Variants in UGT2B11 observed in about 807,000 individuals in gnomAD.
The protein encoded by UGT2B11 is UDP glucuronosyltransferase family 2 member B11, also known as UDP-glucuronosyltransferase 2B11.
In UGT2B11, 49 loss-of-function variants were observed where a neutral mutation model predicts 51.7. The ratio of observed to expected loss-of-function variants is 0.95; its 90% CI spans 0.75 to 1.20. The LOEUF (loss-of-function observed/expected upper bound fraction) is 1.20. Among genes scored for constraint, UGT2B11 ranks in the 50% most tolerant of loss-of-function variants. The pLI is 0.00. For missense variants in UGT2B11, 810 were observed against 622.1 expected (o/e 1.30, Z -3.21); for synonymous variants, 273 against 209.0 (o/e 1.31, Z -2.64).
chr4:69,200,927 A>C (rs555760703), intron 5 of UGT2B11, among the ~76,000 whole-genome samples: 45 of 151,900 alleles, frequency 3.0e-4, no homozygotes, highest in African/African-American at 1.1e-3. Flanking sequence ...TTAAAGCAGA[A>C]ATGGAAGGTC....
In UGT2B11 at chr4:69,205,536, T is replaced by C. The variant is rs753384957; in HGVS notation, c.1034A>G (p.Asp345Gly). 1 of 1,610,528 alleles carries C rather than the reference T, an allele frequency of 6.2e-7. No homozygotes were observed. Among genetic ancestry groups the C allele is most frequent in the Admixed American group, 1.7e-5 (1 of 59,780 alleles). Residue 345 changes from aspartate to glycine, a missense_variant, in exon 4 of 6, where the codon GAT (aspartate) becomes GGT (glycine). Physicochemically the swap from Asp to Gly is moderately conservative, Grantham distance 94 (BLOSUM62 -1). Transcript: ENST00000446444. ...CAGCCGAGTATTGAGACCTAAGGCA[T>C]CTGGTTTATTCCCGTCAAATCTCCA... Reference protein sequence around the residue: ...VLWRFDGNKPDALGLNTRLYK... With the variant: ...VLWRFDGNKPGALGLNTRLYK...
intron 2 of UGT2B11, among the ~76,000 whole-genome samples, chr4:69,212,321 A>G (rs1422835224): frequency 6.6e-6 from 1 of 151,578 alleles, no homozygotes; most frequent in Non-Finnish European, 1.5e-5. Context: ...GGTGTTGCAT[A>G]ATCAACATTT....
chr4:69,216,469 G>T (rs1448173889), upstream of UGT2B11: 3 of 151,520 alleles, frequency 2.0e-5, no homozygotes, highest in African/African-American at 7.3e-5. Flanking sequence ...GAAGCTGAAG[G>T]TGACAAGCAC....
In UGT2B11 at chr4:69,214,622, C is replaced by A. The variant is rs1369271083; in HGVS notation, c.101G>T (p.Ser34Ile). 10 of 1,613,206 alleles carry A rather than the reference C, an allele frequency of 6.2e-6. No homozygotes were observed. The highest frequency in any genetic ancestry group is 1.7e-4 in the Middle Eastern group (1 of 6,054). Reference sequence around the variant, plus strand: ...GATTGTCTTCATATTCATCCAATGGCTGTATTCTGCGGCCCACACCAGCAC... The same window carrying A: ...GATTGTCTTCATATTCATCCAATGGATGTATTCTGCGGCCCACACCAGCAC... ...GKVLVWAAEY[S>I]HWMNMKTILK... Residue 34 changes from serine to isoleucine, a missense_variant, in exon 1 of 6, where the codon AGC (serine) becomes ATC (isoleucine). By Grantham distance (142) the Ser-to-Ile change is moderately radical. Coordinates refer to ENST00000446444, the MANE Select transcript of UGT2B11 (RefSeq NM_001073.3).
chr4:69,200,785 A>G (rs1721629579), intron 5 of UGT2B11, 66 bp from the exon 6 acceptor site: 1 of 1,455,316 alleles, frequency 6.9e-7, no homozygotes, highest in Non-Finnish European at 9.2e-7. Flanking sequence ...TATCAAGTCT[A>G]TGAAAGGCTT....
chr4:69,214,256 C>T lies in UGT2B11; in HGVS notation c.467G>A (p.Cys156Tyr), dbSNP rs765583160. The change falls in exon 1 of 6, where the codon TGT (cysteine) becomes TAT (tyrosine). Residue 156 changes from cysteine to tyrosine, a missense_variant. By Grantham distance (194) the Cys-to-Tyr change is radical. Transcript: ENST00000446444. ...AAGTAGCGCAGCCAGCAGCTCACCA[C>T]AGGGAAAAACAGCATCTGCAAAAAC... The part of the protein sequence containing the change: ...DIVFADAVFP[C>Y]GELLAALLNI... 31 of 1,613,108 alleles carry T rather than the reference C, an allele frequency of 1.9e-5. No individual in the cohort carries two copies. Among genetic ancestry groups the T allele is most frequent in the East Asian group, 4.5e-5 (2 of 44,814 alleles).
chr4:69,205,684 A>G (rs527527406), intron 3 of UGT2B11, 117 bp from the exon 4 acceptor site: 77 of 1,147,444 alleles, frequency 6.7e-5, no homozygotes, highest in Admixed American at 2.9e-4. Context: ...AATCTACTCA[A>G]AGATTGATGT....
chr4:69,205,302 G>A (rs1397060730), intron 4 of UGT2B11, among the ~76,000 whole-genome samples, 178 bp downstream of exon 4: 1 of 151,746 alleles, frequency 6.6e-6, no homozygotes, highest in African/African-American at 2.4e-5. Context: ...CATAAAGAAT[G>A]TGATTATATA....
chr4:69,202,396 T>G (rs1348194489), intron 5 of UGT2B11, among the ~76,000 whole-genome samples: 1 of 151,756 alleles, frequency 6.6e-6, no homozygotes, highest in East Asian at 2.0e-4. Flanking sequence ...AATTTAAAGA[T>G]ATTTTAGTAA....
At chr4:69,222,373 G>A in the UGT2B11 span, among the ~76,000 whole-genome samples, 1 of 152,156 alleles carries the variant, frequency 6.6e-6, no homozygotes, top group Non-Finnish European at 1.5e-5. Context: ...CTTTCCCTTT[G>A]TAATTGTGGA....
chr4:69,223,053 T>C, the UGT2B11 span, among the ~76,000 whole-genome samples: 2 of 152,058 alleles, frequency 1.3e-5, no homozygotes, highest in Admixed American at 6.5e-5. Context: ...CAAAGAAAGC[T>C]TGTACATAAG....
At chr4:69,202,406 A>G (rs563768060) in intron 5 of UGT2B11, among the ~76,000 whole-genome samples, 53 of 151,808 alleles carry the variant, frequency 3.5e-4, no homozygotes, top group Non-Finnish European at 6.3e-4. Flanking sequence ...TATTTTAGTA[A>G]TAGTATTTTT....
chr4:69,212,260 G>T (rs1366916258), intron 2 of UGT2B11, among the ~76,000 whole-genome samples: 1 of 151,388 alleles, frequency 6.6e-6, no homozygotes, highest in African/African-American at 2.4e-5. Context: ...CTTGTGTTTT[G>T]TGCTAATCCT....
chr4:69,222,048 C>T, the UGT2B11 span, among the ~76,000 whole-genome samples: 93 of 152,356 alleles, frequency 6.1e-4, no homozygotes, highest in African/African-American at 1.7e-3. Context: ...CTCTTGATTC[C>T]CTCTGAGCCA....
chr4:69,208,541 A>G, intron 2 of UGT2B11, 59 bp from the exon 3 acceptor site: 6 of 1,584,192 alleles, frequency 3.8e-6, no homozygotes, highest in Non-Finnish European at 5.1e-6. Context: ...CACTACTGAA[A>G]GAATTGGTAC....
At chr4:69,222,634 G>A in the UGT2B11 span, among the ~76,000 whole-genome samples, 1 of 152,158 alleles carries the variant, frequency 6.6e-6, no homozygotes, top group Admixed American at 6.6e-5. Flanking sequence ...TTTTTCAGTA[G>A]GACTTAAGGT....
upstream of UGT2B11, chr4:69,216,010 T>C (rs900621948): frequency 2.6e-5 from 4 of 152,032 alleles, no homozygotes; most frequent in Admixed American, 2.6e-4. Context: ...TTTCTACAAA[T>C]GTGTTTTGGT....
At chr4:69,221,939 T>G in the UGT2B11 span, among the ~76,000 whole-genome samples, 161 of 152,060 alleles carry the variant, frequency 1.1e-3, no homozygotes, top group Non-Finnish European at 1.6e-3. Flanking sequence ...CAATTGCACA[T>G]GGGTGAGGGG....
chr4:69,207,445 T>C (rs1487812275), intron 3 of UGT2B11, among the ~76,000 whole-genome samples: 1 of 151,660 alleles, frequency 6.6e-6, no homozygotes, highest in Non-Finnish European at 1.5e-5. Context: ...CCTGGTTTAC[T>C]CTATACAGAA....
Sources: gnomAD v4.1 joint callset for allele counts (sites outside exome capture counted in the v4.1 genomes callset) on GRCh38, gnomAD v4.1.1 for gene constraint, MANE v1.5 for transcripts, NCBI Gene and HGNC (gene_info 2026-07-23, HGNC 2026-07-21) for gene names.